CYP2J2: variants seen among roughly 807,000 people sequenced by gnomAD.
The protein encoded by CYP2J2 is cytochrome P450 2J2.
In CYP2J2, 41 loss-of-function variants were observed where a neutral mutation model predicts 48.8. The observed-to-expected ratio is 0.84, with a 90% confidence interval of 0.66 to 1.09. CYP2J2 has a LOEUF of 1.09. CYP2J2 is among the 50% of genes least tolerant of loss of function. The probability of loss-of-function intolerance (pLI) is 0.00; values close to 1 mark genes in which losing one functional copy is unlikely to be tolerated. For missense variants in CYP2J2, 644 were observed against 617.3 expected, an observed-to-expected ratio of 1.04 and a Z score of -0.46; for synonymous variants, 221 against 227.1, an observed-to-expected ratio of 0.97 and a Z score of 0.24.
the CYP2J2 span, among the ~76,000 whole-genome samples, chr1:59,952,131 T>A: frequency 2.6e-5 from 4 of 152,184 alleles, no homozygotes; most frequent in South Asian, 4.2e-4. Context: ...GACAGAAGCA[T>A]CTAATGAAGT....
intron 2 of CYP2J2, among the ~76,000 whole-genome samples, chr1:59,914,966 T>C (rs1164515554): frequency 6.6e-6 from 1 of 152,204 alleles, no homozygotes; most frequent in South Asian, 2.1e-4. Flanking sequence ...AGGTGAGACA[T>C]GTTGGCAGCA....
At chr1:59,911,932 C>T (rs772160198) in intron 3 of CYP2J2, among the ~76,000 whole-genome samples, 164 bp from the exon 4 acceptor site, 7 of 152,154 alleles carry the variant, frequency 4.6e-5, no homozygotes, top group Non-Finnish European at 1.0e-4. Flanking sequence ...AGTATTCAGT[C>T]AACTCCAGGG....
chr1:59,915,894 C>T (rs1217960568), intron 2 of CYP2J2, 44 bp downstream of exon 2: 2 of 1,589,138 alleles, frequency 1.3e-6, no homozygotes, highest in Non-Finnish European at 1.7e-6. Flanking sequence ...GATTATAGGA[C>T]TATCAACATC....
the CYP2J2 span, among the ~76,000 whole-genome samples, chr1:59,936,866 A>G: frequency 6.6e-6 from 1 of 152,228 alleles, no homozygotes; most frequent in Admixed American, 6.5e-5. Flanking sequence ...AACTTTAGGA[A>G]TAAATGTTCA....
At chr1:59,930,875 C>T (rs571272362), upstream of CYP2J2, among the ~76,000 whole-genome samples, 4 of 152,188 alleles carry the variant, frequency 2.6e-5, no homozygotes, top group East Asian at 1.9e-4. Flanking sequence ...TTAGACACTA[C>T]GTGGAAACAC....
the CYP2J2 span, among the ~76,000 whole-genome samples, chr1:59,968,475 CACCGAG>C: frequency 4.6e-5 from 7 of 152,120 alleles, no homozygotes; most frequent in Non-Finnish European, 1.0e-4. Context: ...CCTGGAGTCC[CACCGAG>C]AAGAGATGAG....
At position 59,904,953 on chromosome 1, in the gene CYP2J2, T is replaced by C; in HGVS notation, c.1109A>G (p.Gln370Arg). The change falls in exon 7 of 9, where the codon CAG becomes CGG. Residue 370 changes from glutamine to arginine, a missense_variant. Physicochemically the swap from Gln to Arg is conservative, Grantham distance 43 (BLOSUM62 1). Transcript: ENST00000371204. Reference protein sequence around the residue: ...PYTNAVIHEVQRMGNIIPLNV... With the variant: ...PYTNAVIHEVRRMGNIIPLNV... Reference sequence around the variant, plus strand: ...CAGGGGGATGATGTTGCCCATTCTCTGCACCTCATGGATGACAGCATTGGT... The same window carrying C: ...CAGGGGGATGATGTTGCCCATTCTCCGCACCTCATGGATGACAGCATTGGT... 1 of 1,613,844 alleles carries C rather than the reference T, an allele frequency of 6.2e-7. No individual in the cohort carries two copies. Among genetic ancestry groups the C allele is most frequent in the African/African-American group, 1.3e-5 (1 of 75,028 alleles).
chr1:59,913,536 T>A (rs1395998057), intron 2 of CYP2J2, among the ~76,000 whole-genome samples: 5 of 152,192 alleles, frequency 3.3e-5, no homozygotes, highest in African/African-American at 4.8e-5. Flanking sequence ...CTCTTCTAAG[T>A]GTTCCTTCTT....
At chr1:59,923,279 C>A (rs1644533849) in intron 1 of CYP2J2, among the ~76,000 whole-genome samples, 1 of 152,206 alleles carries the variant, frequency 6.6e-6, no homozygotes, top group Admixed American at 6.5e-5. Context: ...GGCTTTATAA[C>A]CTGCATTGAT....
chr1:59,944,511 C>T, the CYP2J2 span, among the ~76,000 whole-genome samples: 2 of 152,326 alleles, frequency 1.3e-5, no homozygotes, highest in African/African-American at 4.8e-5. Context: ...GCATGAGCCA[C>T]TGTGCCTGGC....
At chr1:59,915,533 T>G (rs1644457007) in intron 2 of CYP2J2, among the ~76,000 whole-genome samples, 1 of 152,130 alleles carries the variant, frequency 6.6e-6, no homozygotes, top group Non-Finnish European at 1.5e-5. Context: ...TGACACAACC[T>G]TAATGAAAGA....
At chr1:59,966,762 G>A in the CYP2J2 span, among the ~76,000 whole-genome samples, 1 of 152,156 alleles carries the variant, frequency 6.6e-6, no homozygotes, top group Admixed American at 6.5e-5. Context: ...ATCTGTGACT[G>A]TCTTCACACA....
At chr1:59,926,265 A>C (rs1229984416) in intron 1 of CYP2J2, among the ~76,000 whole-genome samples, 4 of 152,266 alleles carry the variant, frequency 2.6e-5, no homozygotes, top group Non-Finnish European at 5.9e-5. Context: ...CAAGGTAATC[A>C]CATTACAAGT....
the CYP2J2 span, among the ~76,000 whole-genome samples, chr1:59,950,977 A>G: frequency 1.3e-5 from 2 of 152,194 alleles, no homozygotes; most frequent in African/African-American, 4.8e-5. Context: ...CACTTCTGCC[A>G]GATTCTATTC....
chr1:59,921,801 T>C (rs1644517905), intron 1 of CYP2J2, among the ~76,000 whole-genome samples: 1 of 152,112 alleles, frequency 6.6e-6, no homozygotes, highest in Non-Finnish European at 1.5e-5. Context: ...AATATCTTGC[T>C]AATCATAGGT....
At chr1:59,927,666 G>A (rs1488447949), upstream of CYP2J2, among the ~76,000 whole-genome samples, 5 of 152,084 alleles carry the variant, frequency 3.3e-5, no homozygotes, top group South Asian at 6.2e-4. Context: ...TCCACCTCCC[G>A]GGTTCAAGCG....
chr1:59,912,638 T>C (rs1368172599), intron 2 of CYP2J2: 2 of 224,004 alleles, frequency 8.9e-6, no homozygotes, highest in East Asian at 1.0e-4. Context: ...AAAATGCATT[T>C]TACAGGGTCT....
At chr1:59,917,272 A>G (rs1375088209) in intron 1 of CYP2J2, among the ~76,000 whole-genome samples, 2 of 152,168 alleles carry the variant, frequency 1.3e-5, no homozygotes, top group Admixed American at 6.5e-5. Flanking sequence ...CTGTGTGCAG[A>G]GGGCCGTGGA....
intron 5 of CYP2J2, 108 bp from the exon 6 acceptor site, chr1:59,908,035 C>T (rs1403008200): frequency 9.2e-7 from 1 of 1,081,448 alleles, no homozygotes; most frequent in Non-Finnish European, 1.4e-6. Context: ...GAAAAGGTCC[C>T]CAAAAGAAAC....
Sources: gnomAD v4.1 joint callset for allele counts (sites outside exome capture counted in the v4.1 genomes callset) on GRCh38, gnomAD v4.1.1 for gene constraint, MANE v1.5 for transcripts, NCBI Gene and HGNC (gene_info 2026-07-23, HGNC 2026-07-21) for gene names.